The following PLXNA4 variants were observed in gnomAD, a reference collection of about 807,000 sequenced individuals.
PLXNA4 encodes the protein plexin-A4.
Under a neutral mutation model 191.8 loss-of-function variants are expected in PLXNA4, and 44 were observed. The ratio of observed to expected loss-of-function variants is 0.23; its 90% confidence interval spans 0.18 to 0.29. The LOEUF (loss-of-function observed/expected upper bound fraction) is 0.29, where lower values mean the gene tolerates loss of function less well. PLXNA4 is among the 10% of genes least tolerant of loss of function. The pLI is 1.00. For synonymous variants in PLXNA4, 1,082 were observed against 1,009.5 expected, an observed-to-expected ratio of 1.07 and a Z score of -1.36; for missense variants, 1,800 against 2,488.8, an observed-to-expected ratio of 0.72 and a Z score of 5.89.
At chr7:132,605,089 G>C (rs1304766662) in intron 2 of PLXNA4, among the ~76,000 whole-genome samples, 1 of 152,188 alleles carries the variant, frequency 6.6e-6, no homozygotes, top group African/African-American at 2.4e-5. Context: ...GCACTCTGCA[G>C]GAATCATCTC....
chr7:132,562,835 CTCCTTCTCTTCCT>C (rs1801302737), intron 1 of PLXNA4, among the ~76,000 whole-genome samples: 1 of 117,486 alleles, frequency 8.5e-6, no homozygotes, highest in Non-Finnish European at 1.8e-5. Context: ...CCTTCTCCTC[CTCCTTCTCTTCCT>C]TTCTCCTCCT....
chr7:132,524,548 A>G (rs1393551389), intron 1 of PLXNA4, among the ~76,000 whole-genome samples: 1 of 152,212 alleles, frequency 6.6e-6, no homozygotes, highest in Non-Finnish European at 1.5e-5. Flanking sequence ...TTAGGCTGAA[A>G]TCAAAATAAC....
At chr7:132,526,633 C>T (rs1799412844) in intron 1 of PLXNA4, among the ~76,000 whole-genome samples, 1 of 152,146 alleles carries the variant, frequency 6.6e-6, no homozygotes, top group African/African-American at 2.4e-5. Context: ...CCTGTTGGGG[C>T]TGCTGTTTTA....
At chr7:132,493,922 C>T (rs1031299282) in intron 2 of PLXNA4, among the ~76,000 whole-genome samples, 1 of 152,236 alleles carries the variant, frequency 6.6e-6, no homozygotes, top group Non-Finnish European at 1.5e-5. Context: ...GAGAAAGTCA[C>T]TTAACCTCCC....
At position 132,127,948 on chromosome 7, in the gene PLXNA4, TTC is replaced by T. The variant is rs1794819027; in HGVS notation, c.*2529_*2530del. 6.6e-6 allele frequency: 1 copy of T among 151,046 alleles called. No individual in the cohort carries two copies. The highest frequency in any genetic ancestry group is 6.6e-5 in the Admixed American group (1 of 15,188). 9.4% of individuals were successfully genotyped at this position (151,046 alleles called of 1,614,324 possible). ...TCAGCAGAACCGTGATAAGTCTTTT[TTC>T]TTTTTTTTTTCTGCTTGTTTGATTT... On this transcript the variant is annotated 3_prime_UTR_variant, in exon 32 of 32. Transcript: ENST00000321063.
At chr7:132,347,145 T>C (rs1444367260) in intron 3 of PLXNA4, among the ~76,000 whole-genome samples, 1 of 152,108 alleles carries the variant, frequency 6.6e-6, no homozygotes, top group Non-Finnish European at 1.5e-5. Flanking sequence ...CCCATTTCCC[T>C]CTCCCCAGTG....
intron 1 of PLXNA4, among the ~76,000 whole-genome samples, chr7:132,563,001 CTT>C (rs1801355510): frequency 7.6e-5 from 6 of 79,084 alleles, no homozygotes; most frequent in Non-Finnish European, 1.1e-4. Context: ...CCTCCTCCTC[CTT>C]CTCCTCCTCT....
intron 5 of PLXNA4, among the ~76,000 whole-genome samples, chr7:132,235,390 C>T (rs985618274): frequency 2.6e-5 from 4 of 152,232 alleles, no homozygotes; most frequent in African/African-American, 9.6e-5. Flanking sequence ...AGTTGTAACT[C>T]ATCTCTTCTG....
intron 5 of PLXNA4, among the ~76,000 whole-genome samples, chr7:132,237,441 CT>C (rs1313507062): frequency 6.6e-6 from 1 of 152,128 alleles, no homozygotes; most frequent in Non-Finnish European, 1.5e-5. Flanking sequence ...TTACCCCCAC[CT>C]TCTTATAGTT....
chr7:132,225,132 A>G (rs1584868376), intron 8 of PLXNA4, among the ~76,000 whole-genome samples: 2 of 152,336 alleles, frequency 1.3e-5, no homozygotes, highest in South Asian at 4.1e-4. Context: ...TTTCAGTTTA[A>G]GATTTCTATG....
At chr7:132,496,308 G>A (rs934111527) in intron 2 of PLXNA4, among the ~76,000 whole-genome samples, 3 of 152,184 alleles carry the variant, frequency 2.0e-5, no homozygotes, top group Admixed American at 2.0e-4. Context: ...TGGAGAGTGA[G>A]GTGCCTCCCC....
At chr7:132,596,399 T>C (rs1442352365) in intron 2 of PLXNA4, among the ~76,000 whole-genome samples, 2 of 152,194 alleles carry the variant, frequency 1.3e-5, no homozygotes, top group South Asian at 2.1e-4. Context: ...ACAGAGCCAC[T>C]GAATGCCTGG....
chr7:132,528,900 T>C (rs968413344), intron 1 of PLXNA4, among the ~76,000 whole-genome samples: 1 of 152,200 alleles, frequency 6.6e-6, no homozygotes, highest in Non-Finnish European at 1.5e-5. Context: ...GGCGAAAGCA[T>C]CTCACTGACT....
chr7:132,328,404 G>A (rs1166918791), intron 3 of PLXNA4, among the ~76,000 whole-genome samples: 1 of 152,160 alleles, frequency 6.6e-6, no homozygotes, highest in Non-Finnish European at 1.5e-5. Context: ...TGAGGCACAT[G>A]GGCTTGGCGG....
intron 3 of PLXNA4, among the ~76,000 whole-genome samples, chr7:132,335,384 G>A (rs1255627173): frequency 6.6e-6 from 1 of 152,212 alleles, no homozygotes; most frequent in Admixed American, 6.5e-5. Flanking sequence ...TGACTCAGAA[G>A]CCTCTGTTCT....
At chr7:132,274,766 C>CTT (rs3057256) in intron 4 of PLXNA4, among the ~76,000 whole-genome samples, 7,031 of 106,086 alleles carry the variant, frequency 0.066, 362 homozygotes, top group African/African-American at 0.076. Context: ...TCAGTGCATC[C>CTT]TTTTTTTTTT....
intron 2 of PLXNA4, among the ~76,000 whole-genome samples, chr7:132,620,700 C>T (rs1644255676): frequency 6.6e-6 from 1 of 152,126 alleles, no homozygotes; most frequent in Non-Finnish European, 1.5e-5. Flanking sequence ...AATAGGATAC[C>T]TTTTGCTCTG....
At chr7:132,181,162 C>G (rs539525363) in intron 18 of PLXNA4, among the ~76,000 whole-genome samples, 1 of 152,308 alleles carries the variant, frequency 6.6e-6, no homozygotes, top group Non-Finnish European at 1.5e-5. Context: ...AGTCAAATAG[C>G]CAAGGTGGAT....
intron 5 of PLXNA4, among the ~76,000 whole-genome samples, chr7:132,233,273 G>T (rs958005582): frequency 6.6e-6 from 1 of 152,226 alleles, no homozygotes; most frequent in African/African-American, 2.4e-5. Flanking sequence ...TCCTCCTTAA[G>T]AATGACCACA....
Sources: allele counts gnomAD v4.1 joint callset (sites outside exome capture counted in the v4.1 genomes callset), GRCh38; gene constraint gnomAD v4.1.1; transcripts MANE v1.5; gene names NCBI Gene and HGNC (gene_info 2026-07-23, HGNC 2026-07-21).